GDPD1: variants seen among roughly 807,000 people sequenced by gnomAD.
The protein encoded by GDPD1 is lysophospholipase D GDPD1.
In GDPD1, 28 loss-of-function variants were observed where a neutral mutation model predicts 45.1. The ratio of observed to expected loss-of-function variants is 0.62; its 90% confidence interval spans 0.46 to 0.85. GDPD1 has a LOEUF of 0.85. Ranked by LOEUF, GDPD1 falls within the 40% of genes least tolerant of loss-of-function variation. The pLI is 0.00. For missense variants in GDPD1, 256 were observed against 364.8 expected, an observed-to-expected ratio of 0.70 and a Z score of 2.43; for synonymous variants, 139 against 131.4, an observed-to-expected ratio of 1.06 and a Z score of -0.40.
intron 4 of GDPD1, among the ~76,000 whole-genome samples, chr17:59,256,659 G>A (rs866496017): frequency 9.2e-5 from 14 of 152,090 alleles, no homozygotes; most frequent in African/African-American, 2.7e-4. Flanking sequence ...GAATCAGATC[G>A]GTGGATTGTA....
rs1366267416 is a variant in GDPD1 at position 59,255,799 on chromosome 17, A to G, written c.368-1323A>G. Reference sequence around the variant, plus strand: ...TATATATATATACGCGTATATATGTATATATATATATACGCGTATATATAT... The same window carrying G: ...TATATATATATACGCGTATATATGTGTATATATATATACGCGTATATATAT... On this transcript the variant is annotated intron_variant, in intron 4 of 9. Transcript: ENST00000284116. Among the ~76,000 whole-genome samples the G allele has an allele frequency of 1.5e-4, 12 of 81,416 alleles. 3 individuals are homozygous for G. Among genetic ancestry groups the G allele is most frequent in the South Asian group, 8.3e-4 (2 of 2,418 alleles). 53.4% of individuals were successfully genotyped at this position (81,416 alleles called of 152,430 possible). A position where few individuals can be genotyped will look rare whatever the true frequency, so the allele number is the denominator to read the frequency against.
At chr17:59,234,441 C>T (rs183724358) in intron 1 of GDPD1, 51 bp from the exon 2 acceptor site, 826 of 1,104,776 alleles carry the variant, frequency 7.5e-4, no homozygotes, top group Admixed American at 1.0e-3. Flanking sequence ...AAATTAACTT[C>T]AGGAAAATTA....
intron 4 of GDPD1, among the ~76,000 whole-genome samples, chr17:59,250,535 G>C (rs1379136733): frequency 1.3e-5 from 2 of 149,972 alleles, no homozygotes; most frequent in East Asian, 3.9e-4. Context: ...AGAATCCCTT[G>C]AGCCCAGGAG....
chr17:59,238,718 T>C (rs957310641), intron 2 of GDPD1, among the ~76,000 whole-genome samples: 10 of 152,176 alleles, frequency 6.6e-5, no homozygotes, highest in Non-Finnish European at 1.3e-4. Flanking sequence ...CAGCCTTGTG[T>C]TATTTCATTA....
At chr17:59,252,572 C>G (rs1330398175) in intron 4 of GDPD1, among the ~76,000 whole-genome samples, 1 of 151,952 alleles carries the variant, frequency 6.6e-6, no homozygotes, top group East Asian at 2.0e-4. Flanking sequence ...GTGGTGCACA[C>G]CTGTAGCCCC....
intron 3 of GDPD1, 64 bp downstream of exon 3, chr17:59,245,613 A>T: frequency 7.6e-7 from 1 of 1,319,524 alleles, no homozygotes; most frequent in Non-Finnish European, 1.0e-6. Context: ...ATTTTTTTTA[A>T]AATAGCGAAT....
chr17:59,248,827 G>A (rs749658959), intron 4 of GDPD1, 42 bp downstream of exon 4: 8 of 1,389,534 alleles, frequency 5.8e-6, no homozygotes, highest in Non-Finnish European at 6.0e-6. Context: ...GTGTTGAGAA[G>A]CATATGTGTG....
At chr17:59,267,247 C>T in intron 7 of GDPD1, 73 bp downstream of exon 7, 1 of 1,307,010 alleles carries the variant, frequency 7.7e-7, no homozygotes, top group Non-Finnish European at 1.1e-6. Context: ...TCACTAATAT[C>T]AATATCAATG....
At position 59,253,198 on chromosome 17, in the gene GDPD1, C is replaced by G. The variant is rs567884866; in HGVS notation, c.368-3924C>G. ...GCCACTATTCCATCAACCAACACAT[C>G]CTATGGCATACTCCTTGTCTATCTT... On this transcript the variant is annotated intron_variant, in intron 4 of 9. Coordinates refer to ENST00000284116, the MANE Select transcript of GDPD1 (RefSeq NM_182569.4). Among the ~76,000 whole-genome samples the G allele has an allele frequency of 3.3e-5, 5 of 152,212 alleles. No individual in the cohort carries two copies. The South Asian group carries it at 1.0e-3, about 32-fold the overall frequency.
chr17:59,251,455 G>A (rs969410636), intron 4 of GDPD1, among the ~76,000 whole-genome samples: 1 of 151,366 alleles, frequency 6.6e-6, no homozygotes, highest in Non-Finnish European at 1.5e-5. Context: ...GGAGGCAGAG[G>A]TTGCAGTGAG....
chr17:59,247,623 C>T (rs947785773), intron 3 of GDPD1, among the ~76,000 whole-genome samples: 1 of 151,882 alleles, frequency 6.6e-6, no homozygotes, highest in Non-Finnish European at 1.5e-5. Flanking sequence ...TTGTAGATAA[C>T]ACTGCACTGA....
intron 4 of GDPD1, among the ~76,000 whole-genome samples, chr17:59,254,061 A>T (rs2047276838): frequency 2.1e-5 from 1 of 48,218 alleles, no homozygotes; most frequent in African/African-American, 2.6e-4. Context: ...TCTCTACTTA[A>T]AAAAAAAAAA....
intron 4 of GDPD1, among the ~76,000 whole-genome samples, chr17:59,255,857 G>GTATATATATATATACACGTATATATA (rs1568346976): frequency 4.9e-5 from 2 of 40,898 alleles, no homozygotes; most frequent in African/African-American, 2.9e-4. Flanking sequence ...ATATACACAC[G>GTATATATATATATACACGTATATATA]TATATATATA....
intron 4 of GDPD1, among the ~76,000 whole-genome samples, chr17:59,249,767 A>G (rs1013710307): frequency 6.6e-6 from 1 of 152,242 alleles, no homozygotes; most frequent in Non-Finnish European, 1.5e-5. Flanking sequence ...AACTCAATAA[A>G]ACCAAAAGAT....
At chr17:59,270,619 G>A (rs2047437436) in intron 7 of GDPD1, among the ~76,000 whole-genome samples, 3 of 152,082 alleles carry the variant, frequency 2.0e-5, no homozygotes, top group Non-Finnish European at 2.9e-5. Flanking sequence ...GCAGGAGAAA[G>A]ATTTCACCAA....
intron 6 of GDPD1, chr17:59,260,822 C>T (rs563995898): frequency 6.6e-6 from 1 of 152,276 alleles, no homozygotes; most frequent in South Asian, 2.1e-4. Flanking sequence ...TCTCCACTCC[C>T]ACTGCTTCAT....
chr17:59,228,575 A>G (rs1050461286), intron 1 of GDPD1, among the ~76,000 whole-genome samples: 3 of 152,146 alleles, frequency 2.0e-5, no homozygotes, highest in Non-Finnish European at 4.4e-5. Flanking sequence ...ATAAGTGGAT[A>G]TTATAGCTTA....
intron 6 of GDPD1, among the ~76,000 whole-genome samples, chr17:59,264,198 C>T (rs1460878042): frequency 6.6e-6 from 1 of 151,818 alleles, no homozygotes; most frequent in Non-Finnish European, 1.5e-5. Flanking sequence ...CCGGGTTTCT[C>T]CATGTTGGTC....
In GDPD1 at chr17:59,273,878, C is replaced by A; in HGVS notation, c.*105C>A. 1 of 1,292,380 alleles carries A rather than the reference C, an allele frequency of 7.7e-7. No individual in the cohort carries two copies. Among genetic ancestry groups the A allele is most frequent in the Non-Finnish European group, 9.9e-7 (1 of 1,012,452 alleles). The allele number at this position is 1,292,380 out of a possible 1,614,324, so 80.1% of individuals were successfully genotyped here. ...TTTCCAGAATGGTAAAAGGTTTAAT[C>A]AGTTTTTATTACCTCATTTTTAAGC... On this transcript the variant is annotated 3_prime_UTR_variant, in exon 10 of 10. Coordinates refer to ENST00000284116, the MANE Select transcript of GDPD1 (RefSeq NM_182569.4).
Sources: allele counts gnomAD v4.1 joint callset (sites outside exome capture counted in the v4.1 genomes callset), GRCh38; gene constraint gnomAD v4.1.1; transcripts MANE v1.5; gene names NCBI Gene and HGNC (gene_info 2026-07-23, HGNC 2026-07-21).